The following CTIF variants were observed in gnomAD, a reference collection of about 807,000 sequenced individuals.
CTIF encodes CBP80/20-dependent translation initiation factor.
CTIF carries 21 observed loss-of-function variants against 66.0 expected under a neutral mutation model. The observed-to-expected ratio is 0.32, with a 90% CI of 0.23 to 0.46. The LOEUF (loss-of-function observed/expected upper bound fraction) is 0.46, where lower values mean the gene tolerates loss of function less well. Among genes scored for constraint, CTIF ranks in the 20% least tolerant of loss-of-function variants. The pLI, the probability that CTIF is intolerant of heterozygous loss-of-function variation, is 1.00. For missense variants in CTIF, 739 were observed against 812.7 expected (o/e 0.91, Z 1.10); for synonymous variants, 345 against 326.4 (o/e 1.06, Z -0.62).
At chr18:48,730,736 G>A (rs1351526534) in intron 7 of CTIF, among the ~76,000 whole-genome samples, 1 of 145,018 alleles carries the variant, frequency 6.9e-6, no homozygotes, top group Admixed American at 6.8e-5. Context: ...CTTCCGTGGT[G>A]TGAGGAGCCC....
intron 1 of CTIF, among the ~76,000 whole-genome samples, chr18:48,596,792 A>C (rs1240026208): frequency 2.0e-5 from 3 of 152,166 alleles, no homozygotes; most frequent in Admixed American, 6.5e-5. Context: ...AGTTCCTTTA[A>C]AGGGTTCAGT....
Position 48,642,967 on chromosome 18 carries a change from C to A in CTIF, c.252+6282C>A, listed in dbSNP as rs2144686030. ...AACGGGTCATGTGGCCTCATCCAAC[C>A]ATAAGCACATTAAGAAGTACAACGC... On this transcript the variant is annotated intron_variant, in intron 3 of 11. Coordinates refer to ENST00000256413, the MANE Select transcript of CTIF (RefSeq NM_014772.3). 5.3e-5 allele frequency among the ~76,000 whole-genome samples: 8 copies of A among 152,306 alleles called. No homozygotes were observed. In the Middle Eastern group the frequency reaches 0.027, roughly 518 times the overall value.
chr18:48,628,546 G>A (rs1320039799), intron 2 of CTIF, among the ~76,000 whole-genome samples: 1 of 152,178 alleles, frequency 6.6e-6, no homozygotes, highest in African/African-American at 2.4e-5. Flanking sequence ...CAAGTACATG[G>A]CAAGACTGGG....
intron 9 of CTIF, among the ~76,000 whole-genome samples, chr18:48,762,915 A>G (rs546582855): frequency 1.3e-5 from 2 of 152,104 alleles, no homozygotes; most frequent in East Asian, 1.9e-4. Context: ...TGTGAGTTGC[A>G]CTCACTGCAA....
chr18:48,727,896 A>G (rs1301606033), intron 7 of CTIF, among the ~76,000 whole-genome samples: 3 of 152,136 alleles, frequency 2.0e-5, no homozygotes, highest in African/African-American at 7.2e-5. Flanking sequence ...TCCTAATTTT[A>G]GCATCATTTG....
chr18:48,695,170 C>T (rs2091987589), intron 6 of CTIF, among the ~76,000 whole-genome samples: 2 of 152,226 alleles, frequency 1.3e-5, no homozygotes, highest in South Asian at 4.1e-4. Context: ...AACCCAGTTA[C>T]AGCAACCTTG....
At chr18:48,759,936 G>A (rs1908796374) in intron 8 of CTIF, among the ~76,000 whole-genome samples, 1 of 152,172 alleles carries the variant, frequency 6.6e-6, no homozygotes, top group South Asian at 2.1e-4. Flanking sequence ...CACTCTGCTA[G>A]TTGCTCACTC....
chr18:48,843,493 C>A (rs111634980), intron 10 of CTIF, among the ~76,000 whole-genome samples: 1 of 152,050 alleles, frequency 6.6e-6, no homozygotes, highest in Non-Finnish European at 1.5e-5. Context: ...GGTAGCCTCT[C>A]GAGCCCTCCT....
intron 7 of CTIF, among the ~76,000 whole-genome samples, chr18:48,752,241 C>T (rs966204623): frequency 2.6e-5 from 4 of 152,172 alleles, no homozygotes; most frequent in African/African-American, 4.8e-5. Context: ...CTTGGCTGGC[C>T]GCCCACGGTG....
intron 1 of CTIF, among the ~76,000 whole-genome samples, chr18:48,588,368 C>T (rs1409509563): frequency 6.6e-6 from 1 of 152,266 alleles, no homozygotes; most frequent in Non-Finnish European, 1.5e-5. Context: ...CTCTGGCCCT[C>T]TCAGGTGGCC....
At chr18:48,732,247 G>T (rs763148785) in intron 7 of CTIF, among the ~76,000 whole-genome samples, 1 of 152,202 alleles carries the variant, frequency 6.6e-6, no homozygotes, top group African/African-American at 2.4e-5. Context: ...AGGCTGCCAC[G>T]GGAGACCTCA....
chr18:48,791,843 G>C (rs2067800085), intron 9 of CTIF, among the ~76,000 whole-genome samples: 1 of 152,186 alleles, frequency 6.6e-6, no homozygotes, highest in African/African-American at 2.4e-5. Flanking sequence ...TGGGCACTCA[G>C]CTTTTGCCAC....
chr18:48,775,100 C>T (rs56004025), intron 9 of CTIF, among the ~76,000 whole-genome samples: 10,145 of 152,260 alleles, frequency 0.067, 459 homozygotes, highest in Non-Finnish European at 0.097. Context: ...ATAACTCAAG[C>T]GGCCAAGAGC....
intron 1 of CTIF, among the ~76,000 whole-genome samples, chr18:48,597,096 T>C (rs1192714012): frequency 1.3e-5 from 2 of 152,214 alleles, no homozygotes; most frequent in African/African-American, 4.8e-5. Context: ...GAGGATAAAG[T>C]TCTAGTGCAA....
chr18:48,642,525 G>A (rs2090954186), intron 3 of CTIF, among the ~76,000 whole-genome samples: 1 of 152,206 alleles, frequency 6.6e-6, no homozygotes. Context: ...ATCATATTGG[G>A]TGTTACTCAA....
chr18:48,648,838 G>A (rs1449389262), intron 3 of CTIF, among the ~76,000 whole-genome samples: 1 of 152,244 alleles, frequency 6.6e-6, no homozygotes, highest in Non-Finnish European at 1.5e-5. Flanking sequence ...GCCAGAGTGA[G>A]GCTGGGCGTG....
At chr18:48,590,149 C>T (rs1009931862) in intron 1 of CTIF, among the ~76,000 whole-genome samples, 2 of 152,228 alleles carry the variant, frequency 1.3e-5, no homozygotes, top group African/African-American at 4.8e-5. Flanking sequence ...AGTCCATAGC[C>T]GTGGAAGTTT....
intron 9 of CTIF, among the ~76,000 whole-genome samples, chr18:48,765,064 C>T (rs992741653): frequency 6.6e-6 from 1 of 152,222 alleles, no homozygotes. Context: ...CAGCATAATT[C>T]ATGGCCCCTC....
At chr18:48,820,993 G>C (rs1371574890) in intron 10 of CTIF, among the ~76,000 whole-genome samples, 1 of 152,198 alleles carries the variant, frequency 6.6e-6, no homozygotes, top group African/African-American at 2.4e-5. Flanking sequence ...AGGACACCCA[G>C]CTCTCTGGGA....
Sources: gnomAD v4.1 joint callset for allele counts (sites outside exome capture counted in the v4.1 genomes callset) on GRCh38, gnomAD v4.1.1 for gene constraint, MANE v1.5 for transcripts, NCBI Gene and HGNC (gene_info 2026-07-23, HGNC 2026-07-21) for gene names.